PRUNE2: variants seen among roughly 807,000 people sequenced by gnomAD.
PRUNE2 encodes prune homolog 2 with BCH domain.
In PRUNE2, 164 loss-of-function variants were observed where a neutral mutation model predicts 252.0. That is an observed-to-expected ratio of 0.65 (90% CI 0.57 to 0.74). PRUNE2 has a LOEUF of 0.74. Ranked by LOEUF, PRUNE2 falls within the 30% of genes least tolerant of loss-of-function variation. PRUNE2 has a pLI of 0.00. For missense variants in PRUNE2, 3,495 were observed against 3,711.0 expected, an observed-to-expected ratio of 0.94 and a Z score of 1.51; for synonymous variants, 1,292 against 1,350.2, an observed-to-expected ratio of 0.96 and a Z score of 0.94.
intron 6 of PRUNE2, among the ~76,000 whole-genome samples, chr9:76,806,304 G>C (rs2056927309): frequency 6.6e-6 from 1 of 152,126 alleles, no homozygotes; most frequent in South Asian, 2.1e-4. Flanking sequence ...AGAGAAATCA[G>C]GATAAAAGCA....
chr9:76,672,986 T>G (rs918900423), intron 9 of PRUNE2, among the ~76,000 whole-genome samples: 2 of 146,884 alleles, frequency 1.4e-5, no homozygotes, highest in Admixed American at 1.4e-4. Flanking sequence ...ACATCACAAT[T>G]AAAAGAACTA....
intron 6 of PRUNE2, 193 bp downstream of exon 6, chr9:76,823,439 G>T: frequency 1.9e-6 from 1 of 528,928 alleles, no homozygotes; most frequent in Non-Finnish European, 3.4e-6. Flanking sequence ...GAGAATCCAG[G>T]TTTGGCATTT....
chr9:76,663,730 A>C (rs2133699337), intron 9 of PRUNE2, among the ~76,000 whole-genome samples: 1 of 152,216 alleles, frequency 6.6e-6, no homozygotes, highest in East Asian at 1.9e-4. Flanking sequence ...TCAGAGAATA[A>C]TTAACTCCTT....
intron 6 of PRUNE2, among the ~76,000 whole-genome samples, chr9:76,767,287 A>G (rs1436472208): frequency 6.6e-6 from 1 of 152,040 alleles, no homozygotes; most frequent in Non-Finnish European, 1.5e-5. Context: ...CCTCGTCTCT[A>G]CTAAAAATAC....
chr9:76,629,302 AAAAAG>A lies in PRUNE2; in HGVS notation c.9051-17_9051-13del. The stretch of plus-strand genomic sequence containing the variant: ...TGCTGAATTTTGAACTAAAAAAAAA[AAAAAG>A]AAAAAAATATGTATCATTAGTCACT... On this transcript the variant is annotated splice_polypyrimidine_tract_variant and intron_variant, in intron 15 of 18. Transcript: ENST00000376718. 1.4e-6 allele frequency: 2 copies of A among 1,420,552 alleles called. No homozygotes were observed. The highest frequency in any genetic ancestry group is 1.9e-6 in the Non-Finnish European group (2 of 1,041,260). The allele number at this position is 1,420,552 out of a possible 1,614,324, so 88.0% of individuals were successfully genotyped here. A position where few individuals can be genotyped will look rare whatever the true frequency, so the allele number is the denominator to read the frequency against.
In PRUNE2 at chr9:76,706,059, A is replaced by G. The variant is rs1298149413; in HGVS notation, c.6215T>C (p.Ile2072Thr). Residue 2072 changes from isoleucine (I) to threonine (T), a missense_variant, in exon 8 of 19, where the codon ATA becomes ACA. Coordinates refer to ENST00000376718, the MANE Select transcript of PRUNE2 (RefSeq NM_015225.3). Reference sequence around the variant, plus strand: ...CAAACTGAAGGGCTTCTTAGCATCTATCCACAAGTCAGGCGCGGCAGAGGC... The same window carrying G: ...CAAACTGAAGGGCTTCTTAGCATCTGTCCACAAGTCAGGCGCGGCAGAGGC... Reference protein sequence around the residue: ...QLASAAPDLWIDAKKPFSLKA... With the variant: ...QLASAAPDLWTDAKKPFSLKA... 3 of 1,613,924 alleles carry G rather than the reference A, an allele frequency of 1.9e-6. No homozygotes were observed. In the East Asian group the frequency reaches 6.7e-5, roughly 36 times the overall value.
At chr9:76,812,717 C>T (rs532433442) in intron 6 of PRUNE2, among the ~76,000 whole-genome samples, 11 of 152,250 alleles carry the variant, frequency 7.2e-5, no homozygotes, top group African/African-American at 2.4e-4. Context: ...AGAATGTGAC[C>T]GGAAGCAATT....
intron 6 of PRUNE2, among the ~76,000 whole-genome samples, chr9:76,770,744 C>T (rs1368982719): frequency 1.3e-5 from 2 of 152,102 alleles, no homozygotes; most frequent in Non-Finnish European, 2.9e-5. Flanking sequence ...AAGAGCAGCT[C>T]AGTCAACCTA....
intron 9 of PRUNE2, among the ~76,000 whole-genome samples, chr9:76,694,269 G>A (rs1234110014): frequency 6.6e-6 from 1 of 150,434 alleles, no homozygotes; most frequent in African/African-American, 2.5e-5. Flanking sequence ...TGCAACCTCT[G>A]CCTCCCAAGT....
At chr9:76,831,813 A>C (rs1472255184) in intron 4 of PRUNE2, among the ~76,000 whole-genome samples, 1 of 152,212 alleles carries the variant, frequency 6.6e-6, no homozygotes, top group Admixed American at 6.5e-5. Context: ...CTTCGATTCA[A>C]AGACAAATAT....
At chr9:76,788,354 G>T in intron 6 of PRUNE2, 1 of 713,594 alleles carries the variant, frequency 1.4e-6, no homozygotes, top group Non-Finnish European at 2.6e-6. Flanking sequence ...GAATTCAGTT[G>T]ATAGTTATTA....
chr9:76,694,230 T>A (rs1382045757), intron 9 of PRUNE2, among the ~76,000 whole-genome samples: 1 of 152,126 alleles, frequency 6.6e-6, no homozygotes, highest in Non-Finnish European at 1.5e-5. Flanking sequence ...TCGCCCAGGC[T>A]GGAGTGCAGT....
chr9:76,690,216 C>T (rs2044562628), intron 9 of PRUNE2, among the ~76,000 whole-genome samples: 2 of 152,196 alleles, frequency 1.3e-5, no homozygotes, highest in Admixed American at 1.3e-4. Context: ...CCCCTTCTTC[C>T]TTCCCCCAAC....
intron 4 of PRUNE2, among the ~76,000 whole-genome samples, chr9:76,835,816 G>A (rs573614248): frequency 1.3e-5 from 2 of 152,252 alleles, no homozygotes; most frequent in Admixed American, 1.3e-4. Flanking sequence ...TTTTGAAGCT[G>A]TTAATCCAGG....
At chr9:76,640,450 T>C (rs1842086431) in intron 12 of PRUNE2, among the ~76,000 whole-genome samples, 1 of 152,216 alleles carries the variant, frequency 6.6e-6, no homozygotes, top group Non-Finnish European at 1.5e-5. Flanking sequence ...CAAGTGGTGA[T>C]ACGGTGTTGT....
intron 9 of PRUNE2, among the ~76,000 whole-genome samples, chr9:76,656,751 C>T (rs1263664910): frequency 2.0e-5 from 3 of 152,184 alleles, no homozygotes; most frequent in Non-Finnish European, 4.4e-5. Context: ...CTCAGTGCTG[C>T]TCCCCTGGAT....
intron 1 of PRUNE2, among the ~76,000 whole-genome samples, chr9:76,864,429 G>A (rs1360963854): frequency 6.6e-6 from 1 of 151,978 alleles, no homozygotes. Context: ...ACCTGCATAT[G>A]TATTCCCTGG....
At chr9:76,655,327 A>ATAAGT (rs1400763774) in intron 10 of PRUNE2, 96 bp downstream of exon 10, 4 of 900,348 alleles carry the variant, frequency 4.4e-6, no homozygotes, top group Non-Finnish European at 7.2e-6. Context: ...CACTGAAATC[A>ATAAGT]TAAGTTAGAT....
intron 1 of PRUNE2, among the ~76,000 whole-genome samples, chr9:76,899,103 G>C (rs998342373): frequency 7.2e-5 from 11 of 152,224 alleles, no homozygotes; most frequent in Admixed American, 5.2e-4. Context: ...CACTGGTCAA[G>C]GGGCAGCAAG....
Sources: gnomAD v4.1 joint callset for allele counts (sites outside exome capture counted in the v4.1 genomes callset) on GRCh38, gnomAD v4.1.1 for gene constraint, MANE v1.5 for transcripts, NCBI Gene and HGNC (gene_info 2026-07-23, HGNC 2026-07-21) for gene names.